Variants in CSMD1 observed in about 807,000 individuals in gnomAD.
CSMD1 encodes CUB and Sushi multiple domains 1, also known as CUB and sushi domain-containing protein 1.
In CSMD1, 213 loss-of-function variants were observed where a neutral mutation model predicts 417.5. That is an observed-to-expected ratio of 0.51 (90% confidence interval 0.46 to 0.57). The LOEUF is 0.57. CSMD1 is among the 20% of genes least tolerant of loss of function. The probability of loss-of-function intolerance (pLI) is 0.00; values close to 1 mark genes in which losing one functional copy is unlikely to be tolerated. For synonymous variants in CSMD1, 2,862 were observed against 1,736.8 expected (o/e 1.65, Z -16.11); for missense variants, 6,923 against 4,529.7 (o/e 1.53, Z -15.17).
rs180790220 is a variant in CSMD1, at chr8:4,071,827, G to C, written c.416-39728C>G. On this transcript the variant is annotated intron_variant, in intron 3 of 69. Transcript: ENST00000635120. Reference sequence around the variant, plus strand: ...CATTCAAATGAAAACTTCCTGTTGTGGGGGGGTGGTGTGCACATCCACTCT... The same window carrying C: ...CATTCAAATGAAAACTTCCTGTTGTCGGGGGGTGGTGTGCACATCCACTCT... Among the ~76,000 whole-genome samples, 622 of 151,560 alleles carry C rather than the reference G, an allele frequency of 4.1e-3. 7 individuals are homozygous for C. The highest frequency in any genetic ancestry group is 9.6e-3 in the South Asian group (46 of 4,774).
intron 36 of CSMD1, among the ~76,000 whole-genome samples, chr8:3,181,689 T>C (rs1821337487): frequency 6.6e-6 from 1 of 152,202 alleles, no homozygotes; most frequent in Non-Finnish European, 1.5e-5. Flanking sequence ...ATGTGACTCA[T>C]GCTTAGTAAT....
chr8:3,278,279 T>G (rs1010623874), intron 26 of CSMD1: 8 of 152,342 alleles, frequency 5.3e-5, no homozygotes, highest in Admixed American at 5.2e-4. Flanking sequence ...TGATGTTAAA[T>G]TATTTTTTAA....
chr8:3,582,486 T>G (rs991366976), intron 9 of CSMD1, among the ~76,000 whole-genome samples: 6 of 152,128 alleles, frequency 3.9e-5, no homozygotes, highest in African/African-American at 1.4e-4. Context: ...CACAACTCAC[T>G]GGGCTCATTT....
chr8:4,130,731 A>G (rs997449474), intron 3 of CSMD1, among the ~76,000 whole-genome samples: 2 of 152,074 alleles, frequency 1.3e-5, no homozygotes, highest in East Asian at 1.9e-4. Flanking sequence ...TATTTTGTCT[A>G]TCAACTCAAA....
intron 1 of CSMD1, among the ~76,000 whole-genome samples, chr8:4,786,516 G>A (rs1163770143): frequency 1.3e-5 from 2 of 152,130 alleles, no homozygotes; most frequent in Non-Finnish European, 2.9e-5. Context: ...ATGTAAATTG[G>A]TGGTTGGTAG....
At chr8:4,061,627 T>C (rs970420426) in intron 3 of CSMD1, among the ~76,000 whole-genome samples, 3 of 152,192 alleles carry the variant, frequency 2.0e-5, no homozygotes, top group Admixed American at 2.0e-4. Flanking sequence ...ACCAGACAGA[T>C]TCTGCAAGGG....
At chr8:4,844,662 A>G (rs1396102624) in intron 1 of CSMD1, among the ~76,000 whole-genome samples, 1 of 152,186 alleles carries the variant, frequency 6.6e-6, no homozygotes, top group Non-Finnish European at 1.5e-5. Flanking sequence ...ATTTTTTAGG[A>G]TCAAAAAGAA....
intron 2 of CSMD1, among the ~76,000 whole-genome samples, chr8:4,545,264 T>C (rs1283654940): frequency 2.0e-5 from 3 of 152,228 alleles, no homozygotes; most frequent in Non-Finnish European, 4.4e-5. Context: ...TTCACAGTGC[T>C]TTCTCAATGA....
In CSMD1 at chr8:4,564,408, G is replaced by C. The variant is rs112231558; in HGVS notation, c.302+72934C>G. Among the ~76,000 whole-genome samples the C allele has an allele frequency of 3.6e-3, 552 of 152,248 alleles. 3 individuals are homozygous for C. The highest frequency in any genetic ancestry group is 0.013 in the African/African-American group (525 of 41,548). On this transcript the variant is annotated intron_variant, in intron 2 of 69. Transcript: ENST00000635120. ...CAAATATGTGTTGCTCACTGTTCTG[G>C]ACAGTGGAAATTCAAGATCAAGGTG...
At chr8:3,546,490 C>A (rs1001949482) in intron 10 of CSMD1, among the ~76,000 whole-genome samples, 6 of 151,620 alleles carry the variant, frequency 4.0e-5, no homozygotes, top group Non-Finnish European at 5.9e-5. Flanking sequence ...GAGTCAAGAT[C>A]CTGCCACCGC....
intron 6 of CSMD1, among the ~76,000 whole-genome samples, chr8:3,747,726 G>A (rs767801929): frequency 6.6e-6 from 1 of 151,940 alleles, no homozygotes; most frequent in African/African-American, 2.4e-5. Context: ...CTTATGTTCA[G>A]CTTGATGGTA....
At chr8:4,791,282 G>A (rs11136777) in intron 1 of CSMD1, among the ~76,000 whole-genome samples, 62,652 of 152,002 alleles carry the variant, frequency 0.41, 13,680 homozygotes, top group Admixed American at 0.54. Flanking sequence ...AGACCTTCAC[G>A]AAGGTGGGCC....
chr8:4,077,301 A>ATATATATATATATG (rs1417007479), intron 3 of CSMD1, among the ~76,000 whole-genome samples: 14 of 73,542 alleles, frequency 1.9e-4, no homozygotes, highest in African/African-American at 5.1e-4. Context: ...ATATGTGTAT[A>ATATATATATATATG]TATATATATA....
intron 2 of CSMD1, among the ~76,000 whole-genome samples, chr8:4,461,592 C>A (rs1799823004): frequency 6.6e-6 from 1 of 151,490 alleles, no homozygotes; most frequent in Admixed American, 6.6e-5. Context: ...ATCCCGTTGC[C>A]CAGTCTGAAA....
chr8:3,954,848 G>C (rs371084569), intron 5 of CSMD1, among the ~76,000 whole-genome samples: 6 of 152,208 alleles, frequency 3.9e-5, no homozygotes, highest in Admixed American at 6.5e-5. Context: ...GGAGTTACAT[G>C]CATGTGCATT....
chr8:4,724,518 A>T (rs1013367379), intron 1 of CSMD1, among the ~76,000 whole-genome samples: 2 of 138,188 alleles, frequency 1.4e-5, no homozygotes, highest in African/African-American at 6.1e-5. Context: ...CTTTATATAT[A>T]TATGTGTGTG....
At chr8:4,246,888 T>G (rs906679224) in intron 3 of CSMD1, among the ~76,000 whole-genome samples, 4 of 152,180 alleles carry the variant, frequency 2.6e-5, no homozygotes, top group Admixed American at 1.3e-4. Context: ...TTTAAACACT[T>G]TTTCCGTGCA....
chr8:3,503,846 C>G (rs1333883243), intron 10 of CSMD1, among the ~76,000 whole-genome samples: 1 of 151,528 alleles, frequency 6.6e-6, no homozygotes, highest in East Asian at 1.9e-4. Flanking sequence ...CCCCCCCAAC[C>G]CCCACACTCT....
At chr8:4,076,330 G>C (rs184802741) in intron 3 of CSMD1, among the ~76,000 whole-genome samples, 2 of 152,178 alleles carry the variant, frequency 1.3e-5, no homozygotes, top group African/African-American at 4.8e-5. Flanking sequence ...CAGCCTTGCA[G>C]AACTGTGTGT....
Sources: gnomAD v4.1 joint callset for allele counts (sites outside exome capture counted in the v4.1 genomes callset) on GRCh38, gnomAD v4.1.1 for gene constraint, MANE v1.5 for transcripts, NCBI Gene and HGNC (gene_info 2026-07-23, HGNC 2026-07-21) for gene names.